PTPRJ: variants seen among roughly 807,000 people sequenced by gnomAD.
PTPRJ encodes receptor-type tyrosine-protein phosphatase eta.
PTPRJ carries 129 observed loss-of-function variants against 141.3 expected under a neutral mutation model. The observed-to-expected ratio is 0.91, with a 90% confidence interval of 0.79 to 1.06. PTPRJ has a LOEUF of 1.06. Ranked by LOEUF, PTPRJ falls within the 50% of genes least tolerant of loss-of-function variation. The pLI, the probability that PTPRJ is intolerant of heterozygous loss-of-function variation, is 0.00. For missense variants in PTPRJ, 1,601 were observed against 1,679.7 expected, an observed-to-expected ratio of 0.95 and a Z score of 0.82; for synonymous variants, 610 against 640.5, an observed-to-expected ratio of 0.95 and a Z score of 0.72.
chr11:48,053,476 A>G (rs1338813358), intron 1 of PTPRJ, among the ~76,000 whole-genome samples: 1 of 121,560 alleles, frequency 8.2e-6, no homozygotes, highest in East Asian at 2.1e-4. Flanking sequence ...TAATATATAA[A>G]AAATATATAT....
chr11:48,157,182 TTTC>T (rs1857633471), intron 21 of PTPRJ, among the ~76,000 whole-genome samples: 1 of 152,014 alleles, frequency 6.6e-6, no homozygotes, highest in African/African-American at 2.4e-5. Flanking sequence ...AGAGACAGGG[TTTC>T]ACTATGTTGG....
intron 1 of PTPRJ, among the ~76,000 whole-genome samples, chr11:48,059,001 G>A (rs756772079): frequency 7.9e-5 from 12 of 151,546 alleles, no homozygotes; most frequent in Non-Finnish European, 1.5e-4. Context: ...CAGGCACAAC[G>A]TGGGGCTCTC....
chr11:48,146,900 G>C lies in PTPRJ; in HGVS notation c.2936G>C (p.Gly979Ala). 1 of 1,614,094 alleles carries C rather than the reference G, an allele frequency of 6.2e-7. No homozygotes were observed. Among genetic ancestry groups the C allele is most frequent in the Non-Finnish European group, 8.5e-7 (1 of 1,180,004 alleles). ...DPGVICGAVF[G>A]CIFGALVIVT... Reference sequence around the variant, plus strand: ...GGTGTCATCTGTGGAGCGGTTTTTGGCTGTATCTTTGGTGCCCTGGTTATT... The same window carrying C: ...GGTGTCATCTGTGGAGCGGTTTTTGCCTGTATCTTTGGTGCCCTGGTTATT... Residue 979 changes from glycine to alanine, a missense_variant, in exon 15 of 25, where the codon GGC becomes GCC. Coordinates refer to ENST00000418331, the MANE Select transcript of PTPRJ (RefSeq NM_002843.4).
At chr11:48,136,913 C>A in intron 9 of PTPRJ, 90 bp from the exon 10 acceptor site, 8 of 1,325,686 alleles carry the variant, frequency 6.0e-6, no homozygotes, top group Non-Finnish European at 8.3e-6. Context: ...CTTTCTAAAA[C>A]GAGCCAGGCT....
rs865893830 is a variant in PTPRJ at position 47,980,593 on chromosome 11, G to A, written c.-320G>A. Reference sequence around the variant, plus strand: ...CGCATGACGCGCGGAGGAGGCAGCGGGAGCAGCCGCGGGAGCCGGGACCGG... The same window carrying A: ...CGCATGACGCGCGGAGGAGGCAGCGAGAGCAGCCGCGGGAGCCGGGACCGG... On this transcript the variant is annotated 5_prime_UTR_variant, in exon 1 of 25. Transcript: ENST00000418331. The A allele has an allele frequency of 1.0e-5, 10 of 983,042 alleles. No individual in the cohort carries two copies. In the African/African-American group the frequency reaches 1.8e-4, roughly 17 times the overall value. The allele number at this position is 983,042 out of a possible 1,614,324, so 60.9% of individuals were successfully genotyped here. A position where few individuals can be genotyped will look rare whatever the true frequency, so the allele number is the denominator to read the frequency against.
intron 1 of PTPRJ, among the ~76,000 whole-genome samples, chr11:48,047,332 T>C (rs1033949753): frequency 6.6e-6 from 1 of 152,164 alleles, no homozygotes; most frequent in East Asian, 1.9e-4. Context: ...ACAAGTAAAG[T>C]GAAGTCCTGT....
intron 1 of PTPRJ, among the ~76,000 whole-genome samples, chr11:48,076,231 G>A (rs1855397776): frequency 6.6e-6 from 1 of 152,160 alleles, no homozygotes; most frequent in Non-Finnish European, 1.5e-5. Flanking sequence ...ACCTTACACA[G>A]GGCCTGACTG....
intron 1 of PTPRJ, among the ~76,000 whole-genome samples, chr11:48,068,137 G>A (rs1481424101): frequency 6.6e-6 from 1 of 151,958 alleles, no homozygotes; most frequent in Non-Finnish European, 1.5e-5. Context: ...ACATGTTAGC[G>A]ATGGCTAGAT....
rs1288779102 is a variant in PTPRJ, at chr11:48,124,835, G to C, written c.875-133G>C. On this transcript the variant is annotated intron_variant, in intron 5 of 24. Coordinates refer to ENST00000418331, the MANE Select transcript of PTPRJ (RefSeq NM_002843.4). ...CTGCCTCTCTCTCTGGAGGAGGAAGGGAGCAGATATTGATGGAGCACCAAC... is the reference window on the plus strand; with the variant it reads ...CTGCCTCTCTCTCTGGAGGAGGAAGCGAGCAGATATTGATGGAGCACCAAC... The C allele has an allele frequency of 1.3e-5, 10 of 787,770 alleles. No individual in the cohort carries two copies. In the Admixed American group the frequency reaches 2.0e-4, roughly 16 times the overall value. The allele number at this position is 787,770 out of a possible 1,614,324, so 48.8% of individuals were successfully genotyped here.
At chr11:48,070,500 CAAAAAAAAA>C (rs35904394) in intron 1 of PTPRJ, among the ~76,000 whole-genome samples, 31 of 73,250 alleles carry the variant, frequency 4.2e-4, no homozygotes, top group African/African-American at 1.5e-3. Flanking sequence ...ACTCTGTCTC[CAAAAAAAAA>C]AAAAAAAAAA....
At chr11:48,042,307 T>C (rs78384372) in intron 1 of PTPRJ, among the ~76,000 whole-genome samples, 3,171 of 152,216 alleles carry the variant, frequency 0.021, 119 homozygotes, top group African/African-American at 0.074. Context: ...CTCTCTTATG[T>C]TCTGCTCATG....
chr11:48,125,862 G>C (rs60207862), intron 6 of PTPRJ, among the ~76,000 whole-genome samples: 2,367 of 152,288 alleles, frequency 0.016, 75 homozygotes, highest in African/African-American at 0.054. Context: ...GGGTCCATTT[G>C]TGTCCTTCCT....
At chr11:48,130,801 GTTTTTC>G in intron 8 of PTPRJ, 85 bp downstream of exon 8, 3 of 1,331,570 alleles carry the variant, frequency 2.3e-6, no homozygotes, top group Non-Finnish European at 3.0e-6. Flanking sequence ...TCCAAATATT[GTTTTTC>G]TTTTAATTAT....
At chr11:48,047,859 A>G (rs1418864159) in intron 1 of PTPRJ, among the ~76,000 whole-genome samples, 2 of 152,144 alleles carry the variant, frequency 1.3e-5, no homozygotes. Flanking sequence ...CCTGGGGCAG[A>G]TGCCGGGTGG....
intron 1 of PTPRJ, among the ~76,000 whole-genome samples, chr11:48,066,952 A>G (rs1855102334): frequency 6.6e-6 from 1 of 152,200 alleles, no homozygotes; most frequent in Non-Finnish European, 1.5e-5. Context: ...TCACAATTAA[A>G]TGGTTAAATG....
intron 2 of PTPRJ, among the ~76,000 whole-genome samples, chr11:48,110,784 C>T (rs1001911993): frequency 1.3e-5 from 2 of 152,160 alleles, no homozygotes; most frequent in Non-Finnish European, 2.9e-5. Flanking sequence ...AAAATGAGAC[C>T]TGGACTCCCG....
Position 48,112,793 on chromosome 11 carries a change from G to A in PTPRJ, c.162G>A (p.Gly54=). The A allele has an allele frequency of 1.2e-6, 2 of 1,614,182 alleles. No individual in the cohort carries two copies. The highest frequency in any genetic ancestry group is 1.7e-5 in the Admixed American group (1 of 60,030). ...PDPSVATVAT[G]ENGITQISST... is the part of the protein sequence containing the mutation. Reference sequence around the variant, plus strand: ...CTTCAGTAGCAACTGTTGCCACAGGGGAAAATGGCATAACGCAGATCAGCA... The same window carrying A: ...CTTCAGTAGCAACTGTTGCCACAGGAGAAAATGGCATAACGCAGATCAGCA... Residue 54 remains glycine, a synonymous_variant, in exon 3 of 25, where the codon GGG becomes GGA. Transcript: ENST00000418331.
chr11:47,987,423 T>C (rs570885044), intron 1 of PTPRJ, among the ~76,000 whole-genome samples: 7 of 152,250 alleles, frequency 4.6e-5, no homozygotes, highest in African/African-American at 1.7e-4. Context: ...AGATGATCAG[T>C]TTCTTAAGTC....
At chr11:47,991,287 C>A (rs186771126) in intron 1 of PTPRJ, among the ~76,000 whole-genome samples, 211 of 152,160 alleles carry the variant, frequency 1.4e-3, no homozygotes, top group African/African-American at 4.8e-3. Context: ...TTAAAAAAAA[C>A]AAAACAAAAC....
Sources: allele counts gnomAD v4.1 joint callset (sites outside exome capture counted in the v4.1 genomes callset), GRCh38; gene constraint gnomAD v4.1.1; transcripts MANE v1.5; gene names NCBI Gene and HGNC (gene_info 2026-07-23, HGNC 2026-07-21).